The following PDE8B variants were observed in gnomAD, a reference collection of about 807,000 sequenced individuals.
The protein encoded by PDE8B is high affinity cAMP-specific and IBMX-insensitive 3',5'-cyclic phosphodiesterase 8B.
In PDE8B, 26 loss-of-function variants were observed where a neutral mutation model predicts 101.3. The observed-to-expected ratio is 0.26, with a 90% CI of 0.19 to 0.36. PDE8B has a LOEUF of 0.36. Among genes scored for constraint, PDE8B ranks in the 10% least tolerant of loss-of-function variants. PDE8B has a pLI of 1.00. For synonymous variants in PDE8B, 424 were observed against 429.3 expected (o/e 0.99, Z 0.15); for missense variants, 810 against 1,163.1 (o/e 0.70, Z 4.42).
At chr5:77,337,106 C>T (rs1001220715) in intron 5 of PDE8B, 121 bp from the exon 6 acceptor site, 1 of 680,032 alleles carries the variant, frequency 1.5e-6, no homozygotes, top group African/African-American at 1.8e-5. Context: ...TCTCATCTTA[C>T]CTACTAATTG....
chr5:77,320,626 A>G (rs1284500203), intron 2 of PDE8B, among the ~76,000 whole-genome samples: 2 of 152,112 alleles, frequency 1.3e-5, no homozygotes, highest in African/African-American at 2.4e-5. Flanking sequence ...TCATCTTTTT[A>G]TTCCCAGTTC....
chr5:77,390,659 C>T (rs892190085), intron 10 of PDE8B, among the ~76,000 whole-genome samples: 7 of 152,220 alleles, frequency 4.6e-5, no homozygotes, highest in South Asian at 2.1e-4. Context: ...AAGAGATACT[C>T]ACACGTCCCC....
intron 9 of PDE8B, 85 bp from the exon 10 acceptor site, chr5:77,353,261 T>C (rs1781480085): frequency 1.2e-6 from 1 of 821,510 alleles, no homozygotes; most frequent in Admixed American, 1.7e-5. Context: ...GAGTTTAGCT[T>C]TAAGAAGTCT....
rs552475291 is a variant in PDE8B at position 77,335,884 on chromosome 5, C to CT, written c.709-1335dup. Among the ~76,000 whole-genome samples the CT allele has an allele frequency of 3.2e-3, 491 of 151,850 alleles. 1 individual carries two copies. Among genetic ancestry groups the CT allele is most frequent in the Non-Finnish European group, 5.7e-3 (388 of 67,926 alleles). Reference sequence around the variant, plus strand: ...CTCTTCCCTTACTATTTTTTACTTGCTTTTTTTTCTGATTTCATTATTTCT... The same window carrying CT: ...CTCTTCCCTTACTATTTTTTACTTGCTTTTTTTTTCTGATTTCATTATTTCT... On this transcript the variant is annotated intron_variant, in intron 5 of 21. Transcript: ENST00000264917.
intron 3 of PDE8B, among the ~76,000 whole-genome samples, chr5:77,328,606 G>GA (rs1776499429): frequency 6.6e-6 from 1 of 152,050 alleles, no homozygotes; most frequent in South Asian, 2.1e-4. Context: ...TATTTTAAAA[G>GA]AAAAAAGATC....
At chr5:77,181,605 C>G in the PDE8B span, among the ~76,000 whole-genome samples, 1 of 152,288 alleles carries the variant, frequency 6.6e-6, no homozygotes, top group African/African-American at 2.4e-5. Context: ...GTTGCCAGCT[C>G]CAGAAAAACA....
intron 9 of PDE8B, among the ~76,000 whole-genome samples, chr5:77,353,137 G>A (rs554565319): frequency 6.6e-6 from 1 of 152,302 alleles, no homozygotes; most frequent in Admixed American, 6.5e-5. Context: ...GAGCCCTCTA[G>A]GATGTATAAA....
chr5:77,378,102 A>G (rs553453682), intron 10 of PDE8B, among the ~76,000 whole-genome samples: 1 of 151,594 alleles, frequency 6.6e-6, no homozygotes. Flanking sequence ...GTTGGTCGCC[A>G]TTTACCAATG....
chr5:77,165,897 C>G, the PDE8B span, among the ~76,000 whole-genome samples: 6 of 149,056 alleles, frequency 4.0e-5, no homozygotes, highest in Admixed American at 3.4e-4. Flanking sequence ...TCCCAGCTAC[C>G]TGGGAGGCTG....
intron 10 of PDE8B, among the ~76,000 whole-genome samples, chr5:77,378,039 CA>C (rs1786577137): frequency 7.3e-6 from 1 of 137,742 alleles, no homozygotes; most frequent in Non-Finnish European, 1.6e-5. Context: ...CACACACACA[CA>C]CACACACACC....
At chr5:77,331,596 T>C (rs891418029) in intron 5 of PDE8B, 137 bp downstream of exon 5, 10 of 769,302 alleles carry the variant, frequency 1.3e-5, no homozygotes, top group Non-Finnish European at 2.1e-5. Context: ...AGGAAGAAAC[T>C]GTGTTCTCAT....
At chr5:77,248,451 T>C (rs1037161584) in intron 1 of PDE8B, among the ~76,000 whole-genome samples, 3 of 152,232 alleles carry the variant, frequency 2.0e-5, no homozygotes, top group African/African-American at 7.2e-5. Flanking sequence ...TTTTTGTTGT[T>C]GTTGTTGTTG....
intron 2 of PDE8B, among the ~76,000 whole-genome samples, chr5:77,315,375 A>G (rs1395637694): frequency 6.6e-6 from 1 of 152,092 alleles, no homozygotes; most frequent in Non-Finnish European, 1.5e-5. Flanking sequence ...CCACCATATT[A>G]ATGTCTGATT....
chr5:77,280,609 A>G (rs1216729820), intron 1 of PDE8B, among the ~76,000 whole-genome samples: 1 of 152,144 alleles, frequency 6.6e-6, no homozygotes, highest in Non-Finnish European at 1.5e-5. Context: ...AGCAGTTCAC[A>G]GACTGGCCAG....
chr5:77,310,815 G>T (rs1024562148), intron 1 of PDE8B, among the ~76,000 whole-genome samples: 1 of 152,104 alleles, frequency 6.6e-6, no homozygotes, highest in African/African-American at 2.4e-5. Context: ...GTGTTGGGGT[G>T]GGGTAGGAGA....
intron 1 of PDE8B, among the ~76,000 whole-genome samples, chr5:77,275,825 A>G (rs1763751534): frequency 6.6e-6 from 1 of 152,236 alleles, no homozygotes; most frequent in Non-Finnish European, 1.5e-5. Context: ...AGAAAAAGAT[A>G]TCTAACCGCA....
chr5:77,244,370 G>A (rs1411879051), intron 1 of PDE8B, among the ~76,000 whole-genome samples: 1 of 152,136 alleles, frequency 6.6e-6, no homozygotes, highest in African/African-American at 2.4e-5. Flanking sequence ...TCCCAATGTG[G>A]CCAAAGTCAC....
chr5:77,419,708 G>A (rs1239392382), intron 18 of PDE8B, 59 bp from the exon 19 acceptor site: 17 of 1,603,898 alleles, frequency 1.1e-5, no homozygotes, highest in Non-Finnish European at 2.6e-6. Flanking sequence ...AATGGTGGCA[G>A]AATAGTTATA....
At chr5:77,385,801 T>G (rs1788456565) in intron 10 of PDE8B, among the ~76,000 whole-genome samples, 1 of 147,684 alleles carries the variant, frequency 6.8e-6, no homozygotes, top group Admixed American at 6.7e-5. Flanking sequence ...TGAGGTTTTT[T>G]TTTTTTTTTT....
Sources: gnomAD v4.1 joint callset for allele counts (sites outside exome capture counted in the v4.1 genomes callset) on GRCh38, gnomAD v4.1.1 for gene constraint, MANE v1.5 for transcripts, NCBI Gene and HGNC (gene_info 2026-07-23, HGNC 2026-07-21) for gene names.